Variants in TBC1D30 observed in about 807,000 individuals in gnomAD.
TBC1D30 encodes the protein TBC1 domain family member 30.
Under a neutral mutation model 63.2 loss-of-function variants are expected in TBC1D30, and 31 were observed. The ratio of observed to expected loss-of-function variants is 0.49; its 90% confidence interval spans 0.37 to 0.66. The LOEUF (loss-of-function observed/expected upper bound fraction) is 0.66. TBC1D30 is among the 30% of genes least tolerant of loss of function. The pLI is 0.00. For missense variants in TBC1D30, 810 were observed against 953.6 expected (o/e 0.85, Z 1.98); for synonymous variants, 307 against 361.5 (o/e 0.85, Z 1.71).
chr12:64,781,227 T>C, exon 1 of TBC1D30: 2 of 1,140,166 alleles, frequency 1.8e-6, no homozygotes, highest in Non-Finnish European at 2.2e-6. Flanking sequence ...TCCCGCGTGC[T>C]GCAGGAGCTG....
intron 2 of TBC1D30, among the ~76,000 whole-genome samples, chr12:64,797,350 C>G (rs1194231748): frequency 6.6e-6 from 1 of 152,200 alleles, no homozygotes; most frequent in African/African-American, 2.4e-5. Context: ...AATAAACATC[C>G]AGTGCTTGGT....
intron 8 of TBC1D30, among the ~76,000 whole-genome samples, chr12:64,844,137 T>A (rs539788150): frequency 6.6e-6 from 1 of 152,244 alleles, no homozygotes; most frequent in African/African-American, 2.4e-5. Flanking sequence ...GGGAATAAAT[T>A]ATTGAGGATA....
chr12:64,819,040 C>A (rs1219736429), intron 2 of TBC1D30, among the ~76,000 whole-genome samples: 3 of 152,180 alleles, frequency 2.0e-5, no homozygotes, highest in African/African-American at 7.2e-5. Flanking sequence ...GATCTGGCAG[C>A]AGAGTTTTAA....
Position 64,878,358 on chromosome 12 carries a change from T to C in TBC1D30, c.*2570T>C. 1 of 447,926 alleles carries C rather than the reference T, an allele frequency of 2.2e-6. No individual in the cohort carries two copies. Among genetic ancestry groups the C allele is most frequent in the Non-Finnish European group, 4.5e-6 (1 of 222,548 alleles). The allele number at this position is 447,926 out of a possible 1,614,324, so 27.7% of individuals were successfully genotyped here. ...GCTATCTTCCCTATGTATTGGACAC[T>C]GTATGCAAACACCAGAAGTACTTAA... On this transcript the variant is annotated 3_prime_UTR_variant, in exon 12 of 12. Coordinates refer to ENST00000539867, the MANE Select transcript of TBC1D30 (RefSeq NM_015279.2).
In TBC1D30 at chr12:64,876,993, G is replaced by A. The variant is rs1279858760; in HGVS notation, c.*1205G>A. The A allele has an allele frequency of 6.7e-6, 3 of 446,172 alleles. No individual in the cohort carries two copies. The highest frequency in any genetic ancestry group is 6.0e-5 in the African/African-American group (3 of 49,872). 27.6% of individuals were successfully genotyped at this position (446,172 alleles called of 1,614,324 possible). A position where few individuals can be genotyped will look rare whatever the true frequency, so the allele number is the denominator to read the frequency against. Reference sequence around the variant, plus strand: ...CACATTTCCTTCAGTGCAATAGGTGGGTTTAATGCTCTTTGTACACAGATG... The same window carrying A: ...CACATTTCCTTCAGTGCAATAGGTGAGTTTAATGCTCTTTGTACACAGATG... On this transcript the variant is annotated 3_prime_UTR_variant, in exon 12 of 12. Transcript: ENST00000539867.
chr12:64,860,209 G>T (rs1474057049), intron 8 of TBC1D30, among the ~76,000 whole-genome samples: 1 of 151,888 alleles, frequency 6.6e-6, no homozygotes, highest in African/African-American at 2.4e-5. Flanking sequence ...GTAGAGATGG[G>T]GTTTCACCAT....
At chr12:64,768,261 TA>T (rs1870789585) in intron 1 of TBC1D30, 1 of 152,238 alleles carries the variant, frequency 6.6e-6, no homozygotes. Flanking sequence ...ATCTTAAATT[TA>T]TATAATATAA....
chr12:64,795,482 C>T (rs990806639), intron 2 of TBC1D30, among the ~76,000 whole-genome samples: 6 of 152,126 alleles, frequency 3.9e-5, no homozygotes, highest in Admixed American at 1.3e-4. Flanking sequence ...AAGAGAGGAA[C>T]GAGGGATCCA....
intron 2 of TBC1D30, among the ~76,000 whole-genome samples, chr12:64,793,187 A>G (rs556663769): frequency 1.3e-5 from 2 of 152,108 alleles, no homozygotes; most frequent in South Asian, 4.2e-4. Flanking sequence ...AAAAAAATAA[A>G]CAAAAATTCG....
Position 64,879,595 on chromosome 12 carries a change from T to C in TBC1D30, c.*3807T>C, listed in dbSNP as rs1879326453. On this transcript the variant is annotated 3_prime_UTR_variant, in exon 12 of 12. Transcript: ENST00000539867. ...TTTTTTTCCTTTCTATGACTTCTAG[T>C]GTGGAAGTGCCAACAGAAGTGTTTT... The C allele has an allele frequency of 6.6e-6, 1 of 152,188 alleles. No individual in the cohort carries two copies. The highest frequency in any genetic ancestry group is 1.5e-5 in the Non-Finnish European group (1 of 68,038). The allele number at this position is 152,188 out of a possible 1,614,324, so 9.4% of individuals were successfully genotyped here. A position where few individuals can be genotyped will look rare whatever the true frequency, so the allele number is the denominator to read the frequency against.
chr12:64,807,602 C>T (rs766847115), intron 2 of TBC1D30, among the ~76,000 whole-genome samples: 1 of 152,136 alleles, frequency 6.6e-6, no homozygotes, highest in Admixed American at 6.5e-5. Context: ...GCTGTATTTG[C>T]TCTCAACTCC....
At position 64,836,653 on chromosome 12, in the gene TBC1D30, G is replaced by A; in HGVS notation, c.758G>A (p.Ser253Asn). 6.5e-7 allele frequency: 1 copy of A among 1,533,372 alleles called. No individual in the cohort carries two copies. Among genetic ancestry groups the A allele is most frequent in the Non-Finnish European group, 8.7e-7 (1 of 1,144,834 alleles). The allele number at this position is 1,533,372 out of a possible 1,614,324, so 95.0% of individuals were successfully genotyped here. Residue 253 changes from serine to asparagine, a missense_variant, in exon 6 of 12, where the codon AGT becomes AAT. Ser to Asn is a conservative substitution (Grantham distance 46). Transcript: ENST00000539867. ...CTTCAGAGAACTGCAAACAAAGAAA[G>A]TGGAGGTAGGTTTCAATGCTATTAT... ...DTLQRTANKE[S>N]GGGYEPPLTN...
intron 5 of TBC1D30, among the ~76,000 whole-genome samples, chr12:64,834,887 T>C (rs942768389): frequency 6.6e-6 from 1 of 152,064 alleles, no homozygotes; most frequent in African/African-American, 2.4e-5. Context: ...CTTGTTTTCA[T>C]GTAATTTTGA....
intron 2 of TBC1D30, chr12:64,818,790 C>G (rs1371042020): frequency 1.3e-5 from 2 of 152,182 alleles, no homozygotes; most frequent in Non-Finnish European, 2.9e-5. Flanking sequence ...TTTTCTCTCT[C>G]ATAGTTCTTA....
At chr12:64,859,045 T>C (rs1370973432) in intron 8 of TBC1D30, among the ~76,000 whole-genome samples, 2 of 151,818 alleles carry the variant, frequency 1.3e-5, no homozygotes, top group East Asian at 3.9e-4. Flanking sequence ...TGTGTGTCTG[T>C]GTGTCTGTGT....
chr12:64,873,306 A>G (rs1233193525), intron 11 of TBC1D30, among the ~76,000 whole-genome samples: 1 of 152,110 alleles, frequency 6.6e-6, no homozygotes, highest in Admixed American at 6.6e-5. Flanking sequence ...AGTAATGAAG[A>G]TTTAGTTAGG....
rs138657751 is a variant in TBC1D30, at chr12:64,874,788, C to T, written c.1499-213C>T. Among the ~76,000 whole-genome samples, 737 of 152,224 alleles carry T rather than the reference C, an allele frequency of 4.8e-3. 9 individuals are homozygous for T. The highest frequency in any genetic ancestry group is 0.017 in the African/African-American group (710 of 41,540). ...TTTTTGTATCATCACCCTGTGGTCC[C>T]TTCCTCTTTAAAGAAGAGCGCATTG... On this transcript the variant is annotated intron_variant, in intron 11 of 11. Transcript: ENST00000539867.
Position 64,864,655 on chromosome 12 carries a change from T to A in TBC1D30, c.1039-13T>A. 2 of 1,531,030 alleles carry A rather than the reference T, an allele frequency of 1.3e-6. No individual in the cohort carries two copies. The highest frequency in any genetic ancestry group is 1.8e-6 in the Non-Finnish European group (2 of 1,142,044). 94.8% of individuals were successfully genotyped at this position (1,531,030 alleles called of 1,614,324 possible). On this transcript the variant is annotated splice_polypyrimidine_tract_variant and intron_variant, in intron 8 of 11. Transcript: ENST00000539867. ...ACTGTTTCAGACTTGGCATTTTTGC[T>A]TTTGTTTTACAGACTGTTTATTCCA...
At chr12:64,871,511 T>C (rs959409402) in intron 11 of TBC1D30, among the ~76,000 whole-genome samples, 3 of 152,214 alleles carry the variant, frequency 2.0e-5, no homozygotes, top group African/African-American at 7.2e-5. Context: ...ATTTGACATG[T>C]TTTTAAAGTG....
Sources: allele counts gnomAD v4.1 joint callset (sites outside exome capture counted in the v4.1 genomes callset), GRCh38; gene constraint gnomAD v4.1.1; transcripts MANE v1.5; gene names NCBI Gene and HGNC (gene_info 2026-07-23, HGNC 2026-07-21).